The following LPP variants were observed in gnomAD, a reference collection of about 807,000 sequenced individuals.
The protein encoded by LPP is lipoma-preferred partner.
A neutral mutation model predicts 60.4 loss-of-function variants in LPP; 38 were observed. That is an observed-to-expected ratio of 0.63 (90% CI 0.49 to 0.83). LPP has a LOEUF of 0.83. Among genes scored for constraint, LPP ranks in the 40% least tolerant of loss-of-function variants. The pLI, the probability that LPP is intolerant of heterozygous loss-of-function variation, is 0.00. For missense variants in LPP, 902 were observed against 783.6 expected (o/e 1.15, Z -1.80); for synonymous variants, 328 against 290.8 (o/e 1.13, Z -1.30).
chr3:188,832,132 A>C (rs1031314940), intron 9 of LPP, among the ~76,000 whole-genome samples: 1 of 152,150 alleles, frequency 6.6e-6, no homozygotes, highest in African/African-American at 2.4e-5. Context: ...GTGAATCTGT[A>C]ACTTGCTTCT....
rs186247189 is a variant in LPP at position 188,369,628 on chromosome 3, C to T, written c.-10+27909C>T. Among the ~76,000 whole-genome samples the T allele has an allele frequency of 4.3e-3, 657 of 152,300 alleles. 14 individuals carry two copies. The highest frequency in any genetic ancestry group is 0.015 in the African/African-American group (639 of 41,572). ...CAATAATAATAGCAACCACACACTG[C>T]TGCCTTTGAGCTAGGTACTGTTTTA... is the stretch of plus-strand genomic sequence containing the variant. On this transcript the variant is annotated intron_variant, in intron 3 of 11. Coordinates refer to ENST00000617246, the MANE Select transcript of LPP (RefSeq NM_001375462.1).
intron 8 of LPP, among the ~76,000 whole-genome samples, chr3:188,752,198 A>G (rs1322705453): frequency 6.6e-6 from 1 of 152,232 alleles, no homozygotes. Flanking sequence ...TCCCTCTTAG[A>G]GAAGCCTAGA....
At chr3:188,602,516 T>A (rs1401957710) in intron 6 of LPP, among the ~76,000 whole-genome samples, 1 of 151,994 alleles carries the variant, frequency 6.6e-6, no homozygotes, top group Non-Finnish European at 1.5e-5. Context: ...CCATTATTTA[T>A]TAAGTGCCTA....
intron 7 of LPP, among the ~76,000 whole-genome samples, chr3:188,634,494 C>G (rs927099823): frequency 1.3e-5 from 2 of 152,232 alleles, no homozygotes; most frequent in Non-Finnish European, 2.9e-5. Flanking sequence ...CCTGTTGGAA[C>G]CAGGCTGCAC....
intron 7 of LPP, among the ~76,000 whole-genome samples, chr3:188,682,129 G>C (rs1859669496): frequency 1.3e-5 from 2 of 152,168 alleles, no homozygotes; most frequent in Non-Finnish European, 2.9e-5. Flanking sequence ...ACCTGCTCAG[G>C]TTTGCATAGC....
intron 8 of LPP, chr3:188,711,504 G>A (rs538769185): frequency 6.6e-6 from 1 of 152,294 alleles, no homozygotes; most frequent in African/African-American, 2.4e-5. Flanking sequence ...TTAGAAGAGT[G>A]TTTATGGTGG....
At chr3:188,852,544 G>A (rs1430092464) in intron 9 of LPP, among the ~76,000 whole-genome samples, 1 of 152,152 alleles carries the variant, frequency 6.6e-6, no homozygotes, top group African/African-American at 2.4e-5. Flanking sequence ...TTTGGAAGTA[G>A]GTTAGTTATT....
intron 2 of LPP, among the ~76,000 whole-genome samples, chr3:188,299,672 TG>T (rs553536269): frequency 8.5e-5 from 13 of 152,320 alleles, no homozygotes; most frequent in Admixed American, 5.9e-4. Context: ...TCTTGGTTCT[TG>T]TTTTTAAAAA....
intron 7 of LPP, among the ~76,000 whole-genome samples, chr3:188,674,474 C>T (rs1857576598): frequency 6.6e-6 from 1 of 152,152 alleles, no homozygotes; most frequent in Non-Finnish European, 1.5e-5. Context: ...TAGCATACCA[C>T]AATGTAACTT....
chr3:188,435,724 G>T (rs1315430395), intron 4 of LPP, among the ~76,000 whole-genome samples: 1 of 152,098 alleles, frequency 6.6e-6, no homozygotes, highest in Non-Finnish European at 1.5e-5. Flanking sequence ...TTCTGAATCA[G>T]ACTAAGGTTT....
intron 1 of LPP, among the ~76,000 whole-genome samples, chr3:188,207,615 TTTC>T (rs1376893734): frequency 6.6e-6 from 1 of 150,894 alleles, no homozygotes; most frequent in Non-Finnish European, 1.5e-5. Context: ...TTCTTTTCTT[TTTC>T]TTCTTTTTTT....
intron 3 of LPP, among the ~76,000 whole-genome samples, chr3:188,397,888 A>G (rs1034059045): frequency 6.6e-6 from 1 of 152,112 alleles, no homozygotes; most frequent in African/African-American, 2.4e-5. Context: ...TGCTGGGATT[A>G]CAGGTCTGAG....
intron 8 of LPP, among the ~76,000 whole-genome samples, chr3:188,732,591 A>G (rs1054327394): frequency 2.6e-5 from 4 of 151,830 alleles, no homozygotes; most frequent in African/African-American, 9.7e-5. Context: ...GGTGGTGGGC[A>G]CCTGTAATCC....
At chr3:188,403,012 A>G (rs1782607491) in intron 3 of LPP, among the ~76,000 whole-genome samples, 3 of 152,156 alleles carry the variant, frequency 2.0e-5, no homozygotes, top group Admixed American at 6.6e-5. Context: ...CTTATTATAA[A>G]TCCTGGGAAT....
intron 1 of LPP, among the ~76,000 whole-genome samples, chr3:188,157,789 C>T (rs1255663685): frequency 6.6e-6 from 1 of 151,690 alleles, no homozygotes; most frequent in East Asian, 2.0e-4. Context: ...TCAGGGAAAC[C>T]ACTATAGAGA....
At chr3:188,618,346 A>G (rs1845231522) in intron 7 of LPP, among the ~76,000 whole-genome samples, 5 of 152,228 alleles carry the variant, frequency 3.3e-5, no homozygotes, top group Admixed American at 2.6e-4. Context: ...TGAGATAATA[A>G]CATTTAACTT....
Position 188,888,250 on chromosome 3 carries a change from A to C in LPP, c.*13771A>C, listed in dbSNP as rs1770899655. 1 of 223,944 alleles carries C rather than the reference A, an allele frequency of 4.5e-6. No individual in the cohort carries two copies. Among genetic ancestry groups the C allele is most frequent in the Non-Finnish European group, 8.9e-6 (1 of 112,092 alleles). 13.9% of individuals were successfully genotyped at this position (223,944 alleles called of 1,614,324 possible). ...TATGTGCAATTATGAGACATACAAA[A>C]AAGGAAAGGGAAAGGACTTTCTAAG... On this transcript the variant is annotated 3_prime_UTR_variant, in exon 12 of 12. Coordinates refer to ENST00000617246, the MANE Select transcript of LPP (RefSeq NM_001375462.1).
chr3:188,788,795 G>A (rs950863620), intron 9 of LPP, among the ~76,000 whole-genome samples: 9 of 152,022 alleles, frequency 5.9e-5, no homozygotes, highest in African/African-American at 9.7e-5. Flanking sequence ...ACGCCCCCCC[G>A]GCTCTAAACC....
At chr3:188,423,329 T>C (rs1788384856) in intron 4 of LPP, among the ~76,000 whole-genome samples, 1 of 152,256 alleles carries the variant, frequency 6.6e-6, no homozygotes, top group African/African-American at 2.4e-5. Flanking sequence ...CCACATTTTC[T>C]TTATCCAGTC....
Sources: gnomAD v4.1 joint callset for allele counts (sites outside exome capture counted in the v4.1 genomes callset) on GRCh38, gnomAD v4.1.1 for gene constraint, MANE v1.5 for transcripts, NCBI Gene and HGNC (gene_info 2026-07-23, HGNC 2026-07-21) for gene names.